PMFBP1: variants seen among roughly 807,000 people sequenced by gnomAD.
PMFBP1 encodes the protein polyamine-modulated factor 1-binding protein 1.
Under a neutral mutation model 137.8 loss-of-function variants are expected in PMFBP1, and 131 were observed. The ratio of observed to expected loss-of-function variants is 0.95; its 90% confidence interval spans 0.82 to 1.10. The LOEUF (loss-of-function observed/expected upper bound fraction) is 1.10. PMFBP1 is among the 50% of genes least tolerant of loss of function. PMFBP1 has a pLI of 0.00. For missense variants in PMFBP1, 1,199 were observed against 1,175.4 expected, an observed-to-expected ratio of 1.02 and a Z score of -0.29; for synonymous variants, 490 against 450.4, an observed-to-expected ratio of 1.09 and a Z score of -1.11.
the PMFBP1 span, among the ~76,000 whole-genome samples, chr16:72,185,599 A>C: frequency 1.3e-5 from 2 of 152,016 alleles, no homozygotes; most frequent in East Asian, 3.9e-4. Context: ...GAACGTCCCC[A>C]CCAGGGCAGT....
chr16:72,172,927 A>G (rs569599798), upstream of PMFBP1, among the ~76,000 whole-genome samples: 10 of 152,378 alleles, frequency 6.6e-5, no homozygotes, highest in African/African-American at 9.6e-5. Flanking sequence ...TAAAAATGCA[A>G]TATCTGTGAA....
the PMFBP1 span, among the ~76,000 whole-genome samples, chr16:72,216,536 C>T: frequency 7.9e-5 from 12 of 152,046 alleles, no homozygotes; most frequent in Non-Finnish European, 1.2e-4. Flanking sequence ...CTCAAGTTGG[C>T]GGCTCTAGAG....
chr16:72,238,275 A>T, the PMFBP1 span, among the ~76,000 whole-genome samples: 1 of 152,218 alleles, frequency 6.6e-6, no homozygotes, highest in Non-Finnish European at 1.5e-5. Context: ...CCAACAGGGT[A>T]TAGTGTTCCT....
intron 3 of PMFBP1, among the ~76,000 whole-genome samples, chr16:72,156,983 C>T (rs1036956071): frequency 1.3e-5 from 2 of 151,384 alleles, no homozygotes; most frequent in South Asian, 4.2e-4. Context: ...GTCAGGAGAT[C>T]GAGACCATCC....
chr16:72,128,185 T>C (rs1319213388), intron 14 of PMFBP1, among the ~76,000 whole-genome samples: 1 of 152,216 alleles, frequency 6.6e-6, no homozygotes, highest in Non-Finnish European at 1.5e-5. Context: ...AGAGCTTAAG[T>C]GGACGACAAA....
the PMFBP1 span, among the ~76,000 whole-genome samples, chr16:72,201,413 A>G: frequency 2.0e-5 from 3 of 152,218 alleles, no homozygotes; most frequent in South Asian, 2.1e-4. Flanking sequence ...AACAGTTACT[A>G]TATCTCCAGT....
At chr16:72,147,724 A>G (rs1223864741) in intron 5 of PMFBP1, among the ~76,000 whole-genome samples, 1 of 152,234 alleles carries the variant, frequency 6.6e-6, no homozygotes, top group East Asian at 1.9e-4. Flanking sequence ...ATGAACAGAC[A>G]CTTCTCAAAA....
At chr16:72,149,266 G>C (rs550311650) in intron 5 of PMFBP1, among the ~76,000 whole-genome samples, 61 of 152,296 alleles carry the variant, frequency 4.0e-4, no homozygotes, top group African/African-American at 1.3e-3. Flanking sequence ...CGTACAGTGT[G>C]GATGGGTGTG....
rs2042941761 is a variant in PMFBP1 at position 72,153,941 on chromosome 16, CACA to C, written c.414+267_414+269del. ...ACTTATACACACACACACACACACA[CACA>C]CACACACACACACACACATGCCTGC... is the stretch of plus-strand genomic sequence containing the variant. On this transcript the variant is annotated intron_variant, in intron 4 of 20. Transcript: ENST00000237353. 3.3e-5 allele frequency among the ~76,000 whole-genome samples: 5 copies of C among 149,708 alleles called. No homozygotes were observed. The South Asian group carries it at 1.1e-3, about 32-fold the overall frequency.
chr16:72,209,452 G>T, the PMFBP1 span, among the ~76,000 whole-genome samples: 1 of 151,208 alleles, frequency 6.6e-6, no homozygotes, highest in Non-Finnish European at 1.5e-5. Flanking sequence ...ATATCATTTT[G>T]TATATAGATA....
the PMFBP1 span, among the ~76,000 whole-genome samples, chr16:72,247,743 T>C: frequency 1.3e-5 from 2 of 152,212 alleles, no homozygotes; most frequent in Non-Finnish European, 2.9e-5. Context: ...ACAAAGAGCT[T>C]AATTTTTGTT....
chr16:72,168,427 C>T (rs1193333861), intron 2 of PMFBP1, among the ~76,000 whole-genome samples: 1 of 152,156 alleles, frequency 6.6e-6, no homozygotes, highest in Non-Finnish European at 1.5e-5. Flanking sequence ...CAGATATTAG[C>T]TGTAAACTAT....
intron 5 of PMFBP1, among the ~76,000 whole-genome samples, chr16:72,149,429 G>A (rs555450882): frequency 3.7e-4 from 56 of 152,300 alleles, no homozygotes; most frequent in African/African-American, 1.3e-3. Context: ...AAATAAGGAA[G>A]TTAATTACAG....
chr16:72,187,919 G>T, the PMFBP1 span, among the ~76,000 whole-genome samples: 1 of 152,208 alleles, frequency 6.6e-6, no homozygotes, highest in African/African-American at 2.4e-5. Flanking sequence ...CTCACCCACA[G>T]ATGTGGCTGT....
At chr16:72,211,888 T>G in the PMFBP1 span, among the ~76,000 whole-genome samples, 1 of 152,014 alleles carries the variant, frequency 6.6e-6, no homozygotes, top group Admixed American at 6.6e-5. Context: ...TCCCAGCTAC[T>G]AGAGAGGCTG....
intron 2 of PMFBP1, among the ~76,000 whole-genome samples, chr16:72,169,899 G>C (rs2043197104): frequency 6.6e-6 from 1 of 152,178 alleles, no homozygotes; most frequent in South Asian, 2.1e-4. Context: ...TGGAAGGCTA[G>C]ATTAGTGTTT....
chr16:72,196,264 T>C, the PMFBP1 span, among the ~76,000 whole-genome samples: 2 of 152,244 alleles, frequency 1.3e-5, no homozygotes, highest in African/African-American at 4.8e-5. Flanking sequence ...TTATCTAGGA[T>C]TCCTTCAAAG....
the PMFBP1 span, among the ~76,000 whole-genome samples, chr16:72,249,226 G>C: frequency 2.0e-4 from 30 of 152,170 alleles, no homozygotes; most frequent in South Asian, 6.2e-4. Flanking sequence ...CTGAGCTTTT[G>C]TTTTCTCTGC....
chr16:72,211,129 TTGTCAGGCCCTA>T, the PMFBP1 span, among the ~76,000 whole-genome samples: 24 of 152,176 alleles, frequency 1.6e-4, no homozygotes, highest in Admixed American at 3.3e-4. Flanking sequence ...GAAGTTGTCT[TTGTCAGGCCCTA>T]TGGCAACATA....
Sources: gnomAD v4.1 joint callset for allele counts (sites outside exome capture counted in the v4.1 genomes callset) on GRCh38, gnomAD v4.1.1 for gene constraint, MANE v1.5 for transcripts, NCBI Gene and HGNC (gene_info 2026-07-23, HGNC 2026-07-21) for gene names.